The following MON2 variants were observed in gnomAD, a reference collection of about 807,000 sequenced individuals.
MON2 encodes the protein MON2 regulator of endosome-to-Golgi trafficking.
A neutral mutation model predicts 208.6 loss-of-function variants in MON2; 84 were observed. The ratio of observed to expected loss-of-function variants is 0.40; its 90% CI spans 0.34 to 0.48. MON2 has a LOEUF of 0.48. MON2 is among the 20% of genes least tolerant of loss of function. MON2 has a pLI of 0.59. For synonymous variants in MON2, 660 were observed against 694.0 expected, an observed-to-expected ratio of 0.95 and a Z score of 0.77; for missense variants, 1,611 against 2,015.4, an observed-to-expected ratio of 0.80 and a Z score of 3.84.
intron 1 of MON2, among the ~76,000 whole-genome samples, chr12:62,471,901 A>G (rs1296255827): frequency 1.3e-5 from 2 of 152,226 alleles, no homozygotes; most frequent in Admixed American, 6.5e-5. Context: ...TGAATGTGAC[A>G]AATTTGACAG....
At chr12:62,494,546 G>A (rs1339310252) in intron 3 of MON2, among the ~76,000 whole-genome samples, 1 of 152,110 alleles carries the variant, frequency 6.6e-6, no homozygotes, top group African/African-American at 2.4e-5. Flanking sequence ...AGTGATAAAT[G>A]TTTTGACATT....
intron 32 of MON2, among the ~76,000 whole-genome samples, chr12:62,583,786 TAA>T (rs776705735): frequency 1.4e-4 from 18 of 125,484 alleles, no homozygotes; most frequent in Non-Finnish European, 1.2e-4. Context: ...CTGTCTCTAC[TAA>T]AAAAAAAAAA....
At chr12:62,543,227 T>C in intron 20 of MON2, 29 bp downstream of exon 20, 1 of 1,234,698 alleles carries the variant, frequency 8.1e-7, no homozygotes, top group Non-Finnish European at 1.1e-6. Context: ...ATATATTTAA[T>C]TTTTTAATAA....
chr12:62,487,318 T>C (rs1023369408), intron 2 of MON2, among the ~76,000 whole-genome samples: 5 of 152,104 alleles, frequency 3.3e-5, no homozygotes. Flanking sequence ...ATACTAAAAA[T>C]TCAGAAATTC....
At chr12:62,476,317 G>C (rs928643041) in intron 1 of MON2, among the ~76,000 whole-genome samples, 1 of 152,140 alleles carries the variant, frequency 6.6e-6, no homozygotes, top group Non-Finnish European at 1.5e-5. Context: ...GTGTACACTT[G>C]ACTTCGGGTC....
intron 33 of MON2, 172 bp from the exon 34 acceptor site, chr12:62,587,902 T>G: frequency 2.0e-6 from 1 of 511,166 alleles, no homozygotes; most frequent in South Asian, 2.9e-5. Flanking sequence ...GAAGTACATA[T>G]AAATAAAATG....
chr12:62,596,000 T>C lies in MON2; in HGVS notation c.*3251T>C, dbSNP rs748542383. On this transcript the variant is annotated 3_prime_UTR_variant, in exon 35 of 35. Transcript: ENST00000393630. ...TGGAGAATAATATTCAATTAAATTATTTCTACAGCAGGCCAGTAACAACTA... is the reference window on the plus strand; with the variant it reads ...TGGAGAATAATATTCAATTAAATTACTTCTACAGCAGGCCAGTAACAACTA... The C allele has an allele frequency of 1.3e-5, 2 of 152,244 alleles. No individual in the cohort carries two copies. Among genetic ancestry groups the C allele is most frequent in the Non-Finnish European group, 2.9e-5 (2 of 68,040 alleles). 9.4% of individuals were successfully genotyped at this position (152,244 alleles called of 1,614,324 possible). A position where few individuals can be genotyped will look rare whatever the true frequency, so the allele number is the denominator to read the frequency against.
Position 62,556,135 on chromosome 12 carries a change from A to G in MON2, c.3352A>G (p.Thr1118Ala). The change falls in exon 25 of 35, where the codon ACA becomes GCA. Residue 1118 changes from threonine to alanine, a missense_variant. Transcript: ENST00000393630. ...EKQWAETWVL[T>A]LAGVARIFNT... ...GCAATGGGCTGAGACGTGGGTATTA[A>G]CATTGGCTGGAGTAGCAAGGATCTT... The G allele has an allele frequency of 6.2e-7, 1 of 1,614,152 alleles. No individual in the cohort carries two copies. Among genetic ancestry groups the G allele is most frequent in the South Asian group, 1.1e-5 (1 of 91,076 alleles).
intron 1 of MON2, among the ~76,000 whole-genome samples, chr12:62,481,099 C>G (rs751147620): frequency 2.0e-5 from 3 of 152,122 alleles, no homozygotes; most frequent in Non-Finnish European, 4.4e-5. Context: ...CAAGGTATAT[C>G]GAGAATCTCA....
chr12:62,499,987 C>G (rs2070745639), intron 5 of MON2, among the ~76,000 whole-genome samples: 1 of 151,230 alleles, frequency 6.6e-6, no homozygotes, highest in African/African-American at 2.4e-5. Flanking sequence ...AGGTAGAATT[C>G]TAGTAGTTTG....
intron 15 of MON2, 120 bp from the exon 16 acceptor site, chr12:62,537,482 A>G (rs1236582348): frequency 1.4e-5 from 11 of 792,898 alleles, no homozygotes; most frequent in Non-Finnish European, 1.7e-5. Context: ...AAAACCTTCC[A>G]AATCTTTTTC....
intron 30 of MON2, among the ~76,000 whole-genome samples, chr12:62,571,971 T>C (rs1006343572): frequency 3.3e-5 from 5 of 152,244 alleles, no homozygotes; most frequent in Non-Finnish European, 5.9e-5. Flanking sequence ...AATGATCAGC[T>C]CTTTAAGATG....
chr12:62,508,203 T>C, intron 7 of MON2, 83 bp from the exon 8 acceptor site: 1 of 1,031,042 alleles, frequency 9.7e-7, no homozygotes, highest in Middle Eastern at 2.1e-4. Context: ...AGAAGTTTTG[T>C]TTCCTAGTGA....
chr12:62,544,377 T>C (rs780784034), intron 20 of MON2, among the ~76,000 whole-genome samples: 49 of 152,192 alleles, frequency 3.2e-4, no homozygotes, highest in Non-Finnish European at 5.4e-4. Flanking sequence ...ACCCAGGAAG[T>C]TGACGCTGCA....
In MON2 at chr12:62,585,286, T is replaced by G. The variant is rs2075185546; in HGVS notation, c.4700-8T>G. The G allele has an allele frequency of 6.2e-7, 1 of 1,605,738 alleles. No homozygotes were observed. Among genetic ancestry groups the G allele is most frequent in the Non-Finnish European group, 8.5e-7 (1 of 1,173,788 alleles). On this transcript the variant is annotated splice_region_variant and splice_polypyrimidine_tract_variant and intron_variant, in intron 32 of 34. Transcript: ENST00000393630. ...TCTATTAACCATCAAAATTTGTTAA[T>G]TTTACAGAAGCAGAGATTGATATTC...
chr12:62,497,569 A>G (rs1020239706), intron 4 of MON2, among the ~76,000 whole-genome samples: 2 of 152,164 alleles, frequency 1.3e-5, no homozygotes, highest in Non-Finnish European at 2.9e-5. Context: ...TACTGCTGGC[A>G]GAAGTGTAAA....
At chr12:62,507,513 C>G (rs1266443097) in intron 7 of MON2, among the ~76,000 whole-genome samples, 1 of 151,798 alleles carries the variant, frequency 6.6e-6, no homozygotes, top group Non-Finnish European at 1.5e-5. Context: ...GAGACAGGGT[C>G]TCCCTGTGTT....
At position 62,556,163 on chromosome 12, in the gene MON2, A is replaced by G. The variant is rs755962807; in HGVS notation, c.3380A>G (p.Asn1127Ser). 2.5e-6 allele frequency: 4 copies of G among 1,613,934 alleles called. No individual in the cohort carries two copies. Among genetic ancestry groups the G allele is most frequent in the Non-Finnish European group, 3.4e-6 (4 of 1,179,966 alleles). ...LTLAGVARIF[N>S]TRRYLLQPLG... ...TTGGCTGGAGTAGCAAGGATCTTCA[A>G]CACTAGAAGATATTTGCTGCAGCCT... The change falls in exon 25 of 35, where the codon AAC becomes AGC. Residue 1127 changes from asparagine to serine, a missense_variant. Transcript: ENST00000393630.
rs2070837580 is a variant in MON2 at position 62,501,617 on chromosome 12, G to T, written c.708G>T (p.Val236=). The T allele has an allele frequency of 6.2e-7, 1 of 1,614,030 alleles. No individual in the cohort carries two copies. The highest frequency in any genetic ancestry group is 8.5e-7 in the Non-Finnish European group (1 of 1,179,906). Residue 236 remains valine (V), a synonymous_variant, in exon 7 of 35, where the codon GTG becomes GTT. Transcript: ENST00000393630. The stretch of plus-strand genomic sequence containing the variant: ...ATGCTGATGCTCCTTATTGGCTAGT[G>T]GGCATGACAGAAATGACTCGGACGT... The part of the protein sequence containing the change: ...LVNADAPYWL[V]GMTEMTRTFG...
Sources: allele counts gnomAD v4.1 joint callset (sites outside exome capture counted in the v4.1 genomes callset), GRCh38; gene constraint gnomAD v4.1.1; transcripts MANE v1.5; gene names NCBI Gene and HGNC (gene_info 2026-07-23, HGNC 2026-07-21).